ELAC2: variants seen among roughly 807,000 people sequenced by gnomAD.
The protein encoded by ELAC2 is zinc phosphodiesterase ELAC protein 2.
Under a neutral mutation model 105.2 loss-of-function variants are expected in ELAC2, and 92 were observed. That is an observed-to-expected ratio of 0.87 (90% confidence interval 0.74 to 1.04). ELAC2 has a LOEUF of 1.04. ELAC2 is among the 50% of genes least tolerant of loss of function. The pLI is 0.00. For missense variants in ELAC2, 1,099 were observed against 1,071.7 expected (o/e 1.03, Z -0.36); for synonymous variants, 468 against 409.1 (o/e 1.14, Z -1.74).
intron 7 of ELAC2, among the ~76,000 whole-genome samples, chr17:13,011,127 G>A (rs559920460): frequency 1.3e-5 from 2 of 152,168 alleles, no homozygotes; most frequent in Non-Finnish European, 2.9e-5. Context: ...AAGACCTCAG[G>A]ACAGAAAGAG....
At chr17:13,016,767 A>AT in intron 3 of ELAC2, 95 bp downstream of exon 3, 8 of 1,146,352 alleles carry the variant, frequency 7.0e-6, no homozygotes, top group Non-Finnish European at 7.5e-6. Context: ...AAAAAAAAAA[A>AT]GTAGCTGCCC....
intron 15 of ELAC2, 91 bp downstream of exon 15, chr17:13,000,065 T>G (rs2040694750): frequency 3.4e-6 from 4 of 1,179,246 alleles, no homozygotes; most frequent in Middle Eastern, 2.8e-4. Flanking sequence ...CAGGTTAGAA[T>G]GCGCCCCACC....
chr17:13,017,999 T>C lies in ELAC2; in HGVS notation c.-52A>G, dbSNP rs538126805. On this transcript the variant is annotated 5_prime_UTR_variant, in exon 1 of 24. Transcript: ENST00000338034. ...AGCCGCCGGTCACCTACGCCCGCGT[T>C]TCCCGTGCACCACCTAGCCGCTCCG... The C allele has an allele frequency of 7.8e-6, 12 of 1,533,792 alleles. No individual in the cohort carries two copies. In the Admixed American group the frequency reaches 2.4e-4, roughly 30 times the overall value.
chr17:13,004,891 G>A (rs1281968642), intron 11 of ELAC2, 98 bp downstream of exon 11: 1 of 974,488 alleles, frequency 1.0e-6, no homozygotes, highest in Non-Finnish European at 1.6e-6. Context: ...CCCAGATAGT[G>A]GTCTTCCCAG....
At position 12,992,853 on chromosome 17, in the gene ELAC2, C is replaced by G. The variant is rs1197991082; in HGVS notation, c.2446G>C (p.Glu816Gln). The change falls in exon 24 of 24, where the codon GAG (glutamate) becomes CAG (glutamine). Residue 816 changes from glutamate to glutamine, a missense_variant. Physicochemically the swap from Glu to Gln is conservative, Grantham distance 29. Coordinates refer to ENST00000338034, the MANE Select transcript of ELAC2 (RefSeq NM_018127.7). ...GEPQQKRAHTEEPQAKKVRAQ is the reference protein window; with the variant it reads ...GEPQQKRAHTQEPQAKKVRAQ ...CTGACCTTCTTGGCCTGTGGCTCCT[C>G]TGTGTGGGCCCGCTTCTGCTGAGGC... 1.2e-6 allele frequency: 2 copies of G among 1,609,166 alleles called. No homozygotes were observed. Among genetic ancestry groups the G allele is most frequent in the African/African-American group, 1.3e-5 (1 of 74,864 alleles).
At chr17:13,014,686 G>T (rs2041624414) in intron 4 of ELAC2, among the ~76,000 whole-genome samples, 190 bp from the exon 5 acceptor site, 1 of 152,146 alleles carries the variant, frequency 6.6e-6, no homozygotes, top group Non-Finnish European at 1.5e-5. Flanking sequence ...GCAGGAAAAA[G>T]AGATGGAGGC....
rs1308121771 is a variant in ELAC2 at position 13,002,303 on chromosome 17, G to T, written c.1275C>A (p.Tyr425Ter). 3.1e-6 allele frequency: 5 copies of T among 1,614,052 alleles called. No homozygotes were observed. Among genetic ancestry groups the T allele is most frequent in the Non-Finnish European group, 4.2e-6 (5 of 1,180,046 alleles). ...GCCACTCCCTCCTGGGACGGAGCTG[G>T]TACTTGAGGAGGCATTCACCCTGAA... ...PMVQGECLLK[Y>*]QLRPRREWQR... is the part of the protein sequence containing the mutation. The change falls in exon 14 of 24, where the codon TAC becomes TAA. Residue 425 changes from tyrosine (Y) to a stop codon, truncating the protein, a stop_gained. Transcript: ENST00000338034. LOFTEE classifies it high-confidence loss of function.
intron 17 of ELAC2, chr17:12,996,237 C>G (rs2040462757): frequency 4.8e-6 from 3 of 626,758 alleles, no homozygotes; most frequent in African/African-American, 3.7e-5. Context: ...AGGTGAGGGT[C>G]TCATAGCCAC....
chr17:12,993,859 A>T (rs745416597), intron 22 of ELAC2, 28 bp from the exon 23 acceptor site: 2 of 1,614,030 alleles, frequency 1.2e-6, no homozygotes, highest in Non-Finnish European at 1.7e-6. Flanking sequence ...AGCAGACTGA[A>T]GCTGAACTCA....
At chr17:13,007,261 T>A (rs2041162068) in intron 8 of ELAC2, among the ~76,000 whole-genome samples, 1 of 152,228 alleles carries the variant, frequency 6.6e-6, no homozygotes, top group Admixed American at 6.5e-5. Flanking sequence ...TGTAGGCCTT[T>A]GAGTGCTAAA....
rs201583856 is a variant in ELAC2, at chr17:13,011,830, G to C, written c.560-48C>G. 7.7e-5 allele frequency: 125 copies of C among 1,613,798 alleles called. 1 individual carries two copies. In the African/African-American group the frequency reaches 1.4e-3, roughly 18 times the overall value. ...AATTACACACTGCACAAGGTGAGCT[G>C]ACAGCCAAGGCCCAGACGTTCATAC... On this transcript the variant is annotated intron_variant, in intron 6 of 23. Coordinates refer to ENST00000338034, the MANE Select transcript of ELAC2 (RefSeq NM_018127.7).
chr17:13,013,795 G>C (rs1180485001), intron 5 of ELAC2, among the ~76,000 whole-genome samples: 2 of 152,108 alleles, frequency 1.3e-5, no homozygotes, highest in African/African-American at 4.8e-5. Context: ...AATGTACAAA[G>C]TTGGCCACAA....
intron 14 of ELAC2, among the ~76,000 whole-genome samples, chr17:13,001,448 C>T (rs926221264): frequency 6.6e-6 from 1 of 152,120 alleles, no homozygotes; most frequent in Non-Finnish European, 1.5e-5. Flanking sequence ...GCTGAGATCA[C>T]GCCATTGCAC....
At position 12,992,122 on chromosome 17, in the gene ELAC2, A is replaced by AT. The variant is rs1468765966; in HGVS notation, c.*695dup. On this transcript the variant is annotated 3_prime_UTR_variant, in exon 24 of 24. Transcript: ENST00000338034. ...CACCAGCCCAGCCAGGCTCTCACTGATTGATTTGATTGATTGATTGATTGA... is the reference window on the plus strand; with the variant it reads ...CACCAGCCCAGCCAGGCTCTCACTGATTTGATTTGATTGATTGATTGATTGA... Among the ~76,000 whole-genome samples, 18 of 137,404 alleles carry AT rather than the reference A, an allele frequency of 1.3e-4. No individual in the cohort carries two copies. The highest frequency in any genetic ancestry group is 4.7e-4 in the African/African-American group (18 of 38,124). 90.1% of individuals were successfully genotyped at this position (137,404 alleles called of 152,430 possible). A position where few individuals can be genotyped will look rare whatever the true frequency, so the allele number is the denominator to read the frequency against.
intron 11 of ELAC2, 92 bp from the exon 12 acceptor site, chr17:13,003,666 C>T (rs998131150): frequency 7.3e-6 from 8 of 1,101,962 alleles, no homozygotes; most frequent in South Asian, 1.3e-5. Flanking sequence ...TCGTGCGGCC[C>T]TCTGCAGCAC....
At position 13,014,801 on chromosome 17, in the gene ELAC2, A is replaced by G. The variant is rs733889; in HGVS notation, c.433-305T>C. 0.27 allele frequency among the ~76,000 whole-genome samples: 41,716 copies of G among 152,066 alleles called. 5,897 individuals are homozygous for G. The highest frequency in any genetic ancestry group is 0.33 in the Middle Eastern group (97 of 294). ...CTGCAAGGAAAATGAAAAATACAGAAGGCTGGGATCCAACTTGTCTAGAGA... is the reference window on the plus strand; with the variant it reads ...CTGCAAGGAAAATGAAAAATACAGAGGGCTGGGATCCAACTTGTCTAGAGA... On this transcript the variant is annotated intron_variant, in intron 4 of 23. Coordinates refer to ENST00000338034, the MANE Select transcript of ELAC2 (RefSeq NM_018127.7).
rs139453392 is a variant in ELAC2 at position 13,013,254 on chromosome 17, G to A, written c.512C>T (p.Pro171Leu). 4.8e-5 allele frequency: 77 copies of A among 1,614,120 alleles called. No individual in the cohort carries two copies. Among genetic ancestry groups the A allele is most frequent in the Non-Finnish European group, 6.3e-5 (74 of 1,180,032 alleles). The change falls in exon 6 of 24, where the codon CCA (proline) becomes CTA (leucine). Residue 171 changes from proline (P) to leucine (L), a missense_variant. Transcript: ENST00000338034. ...TGTCATGGTTTCATCCTCGTATTCT[G>A]GGGCAGAGTGGGGCCGCACAGCTAC... ...IELAVRPHSA[P>L]EYEDETMTVY...
intron 7 of ELAC2, 28 bp from the exon 8 acceptor site, chr17:13,010,699 A>G (rs754028668): frequency 3.7e-5 from 59 of 1,606,190 alleles, no homozygotes; most frequent in Non-Finnish European, 4.9e-5. Context: ...TGATTATCAC[A>G]AGGTAAATGT....
At chr17:13,016,786 C>G in intron 3 of ELAC2, 76 bp downstream of exon 3, 1 of 1,289,064 alleles carries the variant, frequency 7.8e-7, no homozygotes, top group Non-Finnish European at 1.1e-6. Context: ...CCACCCCAGA[C>G]TTGGAAAAAT....
Sources: gnomAD v4.1 joint callset for allele counts (sites outside exome capture counted in the v4.1 genomes callset) on GRCh38, gnomAD v4.1.1 for gene constraint, MANE v1.5 for transcripts, NCBI Gene and HGNC (gene_info 2026-07-23, HGNC 2026-07-21) for gene names.